The following ADGRA2 variants were observed in gnomAD, a reference collection of about 807,000 sequenced individuals.
ADGRA2 encodes adhesion G protein-coupled receptor A2.
A neutral mutation model predicts 98.7 loss-of-function variants in ADGRA2; 61 were observed. The ratio of observed to expected loss-of-function variants is 0.62; its 90% CI spans 0.50 to 0.76. ADGRA2 has a LOEUF of 0.76. Ranked by LOEUF, ADGRA2 falls within the 30% of genes least tolerant of loss-of-function variation. The pLI is 0.00. For synonymous variants in ADGRA2, 858 were observed against 831.5 expected (o/e 1.03, Z -0.55); for missense variants, 1,712 against 1,860.0 (o/e 0.92, Z 1.46).
At chr8:37,816,032 A>C (rs1474948067) in intron 2 of ADGRA2, among the ~76,000 whole-genome samples, 3 of 152,226 alleles carry the variant, frequency 2.0e-5, no homozygotes, top group Non-Finnish European at 4.4e-5. Flanking sequence ...GGGTCAGCGC[A>C]ATGGGAGACA....
chr8:37,828,458 G>A (rs1262627422), intron 2 of ADGRA2, among the ~76,000 whole-genome samples: 1 of 151,072 alleles, frequency 6.6e-6, no homozygotes, highest in African/African-American at 2.4e-5. Context: ...GGAGGCGGAG[G>A]AGGCCTGTCC....
chr8:37,842,274 C>T lies in ADGRA2; in HGVS notation c.3936C>T (p.Asp1312=), dbSNP rs1349899109. The T allele has an allele frequency of 1.3e-6, 2 of 1,574,640 alleles. No individual in the cohort carries two copies. Among genetic ancestry groups the T allele is most frequent in the Non-Finnish European group, 8.6e-7 (1 of 1,163,230 alleles). ...LNGAPKGGKY[D]DVTLMGAEVA... is the part of the protein sequence containing the mutation. ...GCGCCCCCAAGGGGGGCAAGTACGACGACGTCACCCTGATGGGCGCGGAGG... is the reference window on the plus strand; with the variant it reads ...GCGCCCCCAAGGGGGGCAAGTACGATGACGTCACCCTGATGGGCGCGGAGG... Residue 1312 remains aspartate, a synonymous_variant, in exon 19 of 19, where the codon GAC becomes GAT. Transcript: ENST00000412232.
chr8:37,840,704 A>C (rs1423405173), intron 17 of ADGRA2, 56 bp from the exon 18 acceptor site: 2 of 889,888 alleles, frequency 2.2e-6, no homozygotes, highest in Admixed American at 1.8e-5. Flanking sequence ...CTAAGCACCC[A>C]GTTCTTCCCT....
In ADGRA2 at chr8:37,834,001, T is replaced by C; in HGVS notation, c.1481T>C (p.Leu494Pro). Residue 494 changes from leucine (L) to proline (P), a missense_variant, in exon 11 of 19, where the codon CTG becomes CCG. Leu to Pro is a moderately conservative substitution (Grantham distance 98). Coordinates refer to ENST00000412232, the MANE Select transcript of ADGRA2 (RefSeq NM_032777.10). The surrounding 1 kb of genome is among the most constrained non-coding windows in gnomAD (Gnocchi z 4.2). ...GTGATGGTGGACATGGCCAGCAACC[T>C]GATGCTGGTGGACGAGCACCTGCTG... ...VEVMVDMASN[L>P]MLVDEHLLWL... is the part of the protein sequence containing the mutation. The C allele has an allele frequency of 6.2e-7, 1 of 1,613,096 alleles. No individual in the cohort carries two copies. The highest frequency in any genetic ancestry group is 1.1e-5 in the South Asian group (1 of 91,050).
Position 37,843,225 on chromosome 8 carries a change from AG to A in ADGRA2, c.*871del, listed in dbSNP as rs1242016230. 1.3e-5 allele frequency: 2 copies of A among 152,308 alleles called. No individual in the cohort carries two copies. The highest frequency in any genetic ancestry group is 2.9e-5 in the Non-Finnish European group (2 of 68,108). 9.4% of individuals were successfully genotyped at this position (152,308 alleles called of 1,614,324 possible). A position where few individuals can be genotyped will look rare whatever the true frequency, so the allele number is the denominator to read the frequency against. On this transcript the variant is annotated 3_prime_UTR_variant, in exon 19 of 19. Coordinates refer to ENST00000412232, the MANE Select transcript of ADGRA2 (RefSeq NM_032777.10). The stretch of plus-strand genomic sequence containing the variant: ...CCAGAAAGCTGCAGGTGGTGTTTGG[AG>A]AAGCAGTTACTTTTCAGTTACAAGA...
chr8:37,807,206 G>T (rs565981324), intron 1 of ADGRA2, among the ~76,000 whole-genome samples: 14 of 152,340 alleles, frequency 9.2e-5, no homozygotes, highest in African/African-American at 3.1e-4. Flanking sequence ...GGGAAGTGCA[G>T]GAGCGGGCAG....
rs1279629724 is a variant in ADGRA2, at chr8:37,844,845, T to C, written c.*2490T>C. 2 of 1,614,176 alleles carry C rather than the reference T, an allele frequency of 1.2e-6. No homozygotes were observed. The highest frequency in any genetic ancestry group is 1.7e-6 in the Non-Finnish European group (2 of 1,180,046). ...AGAGCGGACCAGTGACTGGCGGTGC[T>C]GGAGAAGGTCACCGATGTGCTTCAC... On this transcript the variant is annotated 3_prime_UTR_variant, in exon 19 of 19. Transcript: ENST00000412232.
rs754021456 is a variant in ADGRA2, at chr8:37,841,648, G to T, written c.3310G>T (p.Glu1104Ter). 1.3e-6 allele frequency: 2 copies of T among 1,527,324 alleles called. No homozygotes were observed. Among genetic ancestry groups the T allele is most frequent in the South Asian group, 1.2e-5 (1 of 80,062 alleles). The allele number at this position is 1,527,324 out of a possible 1,614,324, so 94.6% of individuals were successfully genotyped here. ...GCCCCGGGCCCTGCCCGCCGCCGCAGAGGACGGTTCCCCGGTGTTCGGGGA... is the reference window on the plus strand; with the variant it reads ...GCCCCGGGCCCTGCCCGCCGCCGCATAGGACGGTTCCCCGGTGTTCGGGGA... The part of the protein sequence containing the change: ...APPRALPAAA[E>*]DGSPVFGEGP... Residue 1104 changes from glutamate to a stop codon, truncating the protein, a stop_gained, in exon 19 of 19, where the codon GAG becomes TAG. Transcript: ENST00000412232. LOFTEE classifies it low-confidence loss of function (END_TRUNC). This position sits in a 1 kb window ranked among gnomAD's most constrained non-coding sequence, Gnocchi z 5.0.
At position 37,834,035 on chromosome 8, in the gene ADGRA2, C is replaced by A; in HGVS notation, c.1515C>A (p.Ala505=). 6.2e-7 allele frequency: 1 copy of A among 1,612,978 alleles called. No individual in the cohort carries two copies. Residue 505 remains alanine (A), a synonymous_variant, in exon 11 of 19, where the codon GCC becomes GCA. Coordinates refer to ENST00000412232, the MANE Select transcript of ADGRA2 (RefSeq NM_032777.10). The surrounding 1 kb of genome is among the most constrained non-coding windows in gnomAD (Gnocchi z 4.2). ...MLVDEHLLWL[A]QREDKACSRI... ...TGGACGAGCACCTGCTGTGGCTGGCCCAGCGCGAGGACAAGGCCTGCAGCC... is the reference window on the plus strand; with the variant it reads ...TGGACGAGCACCTGCTGTGGCTGGCACAGCGCGAGGACAAGGCCTGCAGCC...
intron 1 of ADGRA2, among the ~76,000 whole-genome samples, chr8:37,800,493 C>T (rs1804470195): frequency 6.6e-6 from 1 of 152,194 alleles, no homozygotes; most frequent in South Asian, 2.1e-4. Flanking sequence ...GGTATTAAGA[C>T]CATTGCCTTT....
intron 5 of ADGRA2, 140 bp downstream of exon 5, chr8:37,829,699 C>G (rs1805396141): frequency 1.0e-6 from 1 of 975,182 alleles, no homozygotes; most frequent in African/African-American, 1.6e-5. Context: ...CCATGATCAC[C>G]TTCCCGCGAT....
chr8:37,829,449 CCCTA>C (rs747243397), intron 4 of ADGRA2, 35 bp from the exon 5 acceptor site: 4 of 1,573,726 alleles, frequency 2.5e-6, no homozygotes, highest in Non-Finnish European at 3.5e-6. Context: ...CCCATGGACA[CCCTA>C]AGACCCCATC....
chr8:37,798,046 TG>T (rs1405888313), intron 1 of ADGRA2, among the ~76,000 whole-genome samples: 2 of 152,180 alleles, frequency 1.3e-5, no homozygotes, highest in Non-Finnish European at 2.9e-5. Context: ...CCCCCTGGCC[TG>T]CCAGCGCCGC....
At position 37,839,639 on chromosome 8, in the gene ADGRA2, G is replaced by C; in HGVS notation, c.2511+17G>C. The C allele has an allele frequency of 6.2e-7, 1 of 1,612,942 alleles. No individual in the cohort carries two copies. The highest frequency in any genetic ancestry group is 1.1e-5 in the South Asian group (1 of 91,014). On this transcript the variant is annotated intron_variant, in intron 16 of 18. Transcript: ENST00000412232. ...TGCCAGGCGGTAAGCAGGAGAAGGGGCTCTGGGGGTGGTGCTCCGAGATGA... is the reference window on the plus strand; with the variant it reads ...TGCCAGGCGGTAAGCAGGAGAAGGGCCTCTGGGGGTGGTGCTCCGAGATGA...
intron 17 of ADGRA2, 151 bp from the exon 18 acceptor site, chr8:37,840,609 C>T (rs1257680487): frequency 5.6e-5 from 36 of 647,474 alleles, no homozygotes; most frequent in Middle Eastern, 3.4e-4. Context: ...CCAAGTAGTC[C>T]CTGCAGGGAC....
intron 2 of ADGRA2, among the ~76,000 whole-genome samples, chr8:37,828,465 G>C (rs962506806): frequency 6.8e-6 from 1 of 147,446 alleles, no homozygotes; most frequent in Non-Finnish European, 1.5e-5. Context: ...GAGGAGGCCT[G>C]TCCGAGGGGG....
At position 37,829,567 on chromosome 8, in the gene ADGRA2, T is replaced by A. The variant is rs768477480; in HGVS notation, c.554+8T>A. The A allele has an allele frequency of 1.3e-6, 2 of 1,597,504 alleles. No homozygotes were observed. The highest frequency in any genetic ancestry group is 2.2e-5 in the East Asian group (1 of 44,790). The stretch of plus-strand genomic sequence containing the variant: ...GCCAGCCCTTAAGGTTGTGTGAGTA[T>A]CTCTTCCTAGCTCAAGGACCCAGAC... On this transcript the variant is annotated splice_region_variant and intron_variant, in intron 5 of 18. Coordinates refer to ENST00000412232, the MANE Select transcript of ADGRA2 (RefSeq NM_032777.10).
rs1276937759 is a variant in ADGRA2 at position 37,842,030 on chromosome 8, T to G, written c.3692T>G (p.Leu1231Arg). Residue 1231 changes from leucine to arginine, a missense_variant, in exon 19 of 19, where the codon CTG becomes CGG. Transcript: ENST00000412232. ...SLHNSPTDSY[L>R]GSSRNSPGAG... is the part of the protein sequence containing the mutation. Reference sequence around the variant, plus strand: ...CACAACAGCCCCACCGACAGCTACCTGGGCAGCAGCCGCAACAGCCCGGGC... The same window carrying G: ...CACAACAGCCCCACCGACAGCTACCGGGGCAGCAGCCGCAACAGCCCGGGC... 1.3e-6 allele frequency: 2 copies of G among 1,519,006 alleles called. No homozygotes were observed. The highest frequency in any genetic ancestry group is 5.1e-5 in the East Asian group (2 of 38,858). The allele number at this position is 1,519,006 out of a possible 1,614,324, so 94.1% of individuals were successfully genotyped here.
Position 37,838,989 on chromosome 8 carries a change from G to T in ADGRA2, c.2293G>T (p.Ala765Ser). ...LSAFPREVGG[A>S]GAGLHPVVYP... The stretch of plus-strand genomic sequence containing the variant: ...CGCCTTTCCCAGGGAGGTGGGGGGC[G>T]CCGGGGCAGGGCTGCACCCCGTGGT... The change falls in exon 15 of 19, where the codon GCC becomes TCC. Residue 765 changes from alanine to serine, a missense_variant. Ala to Ser is a moderately conservative substitution (Grantham distance 99, BLOSUM62 1). Coordinates refer to ENST00000412232, the MANE Select transcript of ADGRA2 (RefSeq NM_032777.10). 7 of 1,574,720 alleles carry T rather than the reference G, an allele frequency of 4.4e-6. No individual in the cohort carries two copies. The South Asian group carries it at 8.3e-5, about 19-fold the overall frequency.
Sources: gnomAD v4.1 joint callset for allele counts (sites outside exome capture counted in the v4.1 genomes callset) on GRCh38, gnomAD v4.1.1 for gene constraint, Gnocchi (gnomAD v3.1) non-coding constraint, MANE v1.5 for transcripts, NCBI Gene and HGNC (gene_info 2026-07-23, HGNC 2026-07-21) for gene names.